The following ZBTB20 variants were observed in gnomAD, a reference collection of about 807,000 sequenced individuals.
The protein encoded by ZBTB20 is zinc finger and BTB domain-containing protein 20.
A neutral mutation model predicts 56.9 loss-of-function variants in ZBTB20; 9 were observed. The observed-to-expected ratio is 0.16, with a 90% CI of 0.10 to 0.28. ZBTB20 has a LOEUF of 0.28. Ranked by LOEUF, ZBTB20 falls within the 10% of genes least tolerant of loss-of-function variation. ZBTB20 has a pLI of 1.00. For synonymous variants in ZBTB20, 417 were observed against 420.7 expected (o/e 0.99, Z 0.11); for missense variants, 655 against 1,003.0 (o/e 0.65, Z 4.69).
At chr3:114,389,994 T>C (rs2085670177) in intron 7 of ZBTB20, among the ~76,000 whole-genome samples, 1 of 152,130 alleles carries the variant, frequency 6.6e-6, no homozygotes, top group Non-Finnish European at 1.5e-5. Flanking sequence ...ACTACATTCT[T>C]ATTAACGATA....
chr3:114,796,837 T>C (rs545326638), intron 5 of ZBTB20, among the ~76,000 whole-genome samples: 5 of 152,028 alleles, frequency 3.3e-5, no homozygotes, highest in African/African-American at 1.2e-4. Flanking sequence ...AATAAGGATG[T>C]TGGAAATATA....
chr3:114,344,928 G>T (rs1341936244), intron 11 of ZBTB20, among the ~76,000 whole-genome samples: 1 of 152,022 alleles, frequency 6.6e-6, no homozygotes, highest in Non-Finnish European at 1.5e-5. Context: ...CCAGTGAACG[G>T]GCTGTTGATA....
intron 7 of ZBTB20, among the ~76,000 whole-genome samples, chr3:114,460,481 GC>G (rs535715402): frequency 1.3e-5 from 2 of 152,184 alleles, no homozygotes; most frequent in Non-Finnish European, 2.9e-5. Flanking sequence ...ATCAGAGTTA[GC>G]AGATGTGATG....
At chr3:114,958,065 T>C (rs774724003) in intron 3 of ZBTB20, among the ~76,000 whole-genome samples, 7 of 152,258 alleles carry the variant, frequency 4.6e-5, no homozygotes, top group Non-Finnish European at 8.8e-5. Flanking sequence ...TGAGTGTCTC[T>C]ACACAAATAT....
chr3:114,348,553 C>A (rs2080379924), intron 11 of ZBTB20, among the ~76,000 whole-genome samples: 1 of 152,202 alleles, frequency 6.6e-6, no homozygotes, highest in South Asian at 2.1e-4. Flanking sequence ...AGTAGTGAGT[C>A]ACTCTGTTTA....
intron 4 of ZBTB20, among the ~76,000 whole-genome samples, chr3:114,842,572 G>C (rs1326597206): frequency 6.6e-6 from 1 of 152,144 alleles, no homozygotes; most frequent in Non-Finnish European, 1.5e-5. Flanking sequence ...TTAAGAAAGA[G>C]GAGTGTAGAA....
At chr3:114,933,873 C>T (rs1264243849) in intron 3 of ZBTB20, among the ~76,000 whole-genome samples, 1 of 152,182 alleles carries the variant, frequency 6.6e-6, no homozygotes, top group Non-Finnish European at 1.5e-5. Context: ...ACCTACCCCT[C>T]CCCCTTCGGT....
chr3:114,811,929 T>TA (rs1459781780), intron 4 of ZBTB20, among the ~76,000 whole-genome samples: 3 of 152,166 alleles, frequency 2.0e-5, no homozygotes, highest in Non-Finnish European at 4.4e-5. Flanking sequence ...CGGTGAGTGT[T>TA]ACAGTTCTTA....
chr3:114,667,511 C>T (rs1400941847), intron 6 of ZBTB20, among the ~76,000 whole-genome samples: 1 of 151,986 alleles, frequency 6.6e-6, no homozygotes, highest in East Asian at 1.9e-4. Context: ...GCAGCCTAAC[C>T]TCCAGCCAAC....
intron 3 of ZBTB20, among the ~76,000 whole-genome samples, chr3:114,942,082 T>C (rs1263204503): frequency 6.9e-6 from 1 of 145,946 alleles, no homozygotes; most frequent in East Asian, 1.9e-4. Flanking sequence ...TAAATTCCTT[T>C]ACCCCTTGTG....
intron 5 of ZBTB20, among the ~76,000 whole-genome samples, chr3:114,709,646 T>C (rs2063929492): frequency 6.6e-6 from 1 of 152,162 alleles, no homozygotes; most frequent in African/African-American, 2.4e-5. Flanking sequence ...GCTAGGGCCT[T>C]TCCATAACCT....
intron 7 of ZBTB20, among the ~76,000 whole-genome samples, chr3:114,466,075 A>T (rs2092539911): frequency 6.6e-6 from 1 of 152,154 alleles, no homozygotes; most frequent in Non-Finnish European, 1.5e-5. Flanking sequence ...CCAGGACTAG[A>T]TACTTAGATC....
At chr3:114,855,346 T>C (rs1480464213) in intron 4 of ZBTB20, among the ~76,000 whole-genome samples, 1 of 152,224 alleles carries the variant, frequency 6.6e-6, no homozygotes, top group African/African-American at 2.4e-5. Context: ...TTGTCAGATA[T>C]ATCCCATGTT....
intron 3 of ZBTB20, among the ~76,000 whole-genome samples, chr3:114,969,303 T>A (rs922934504): frequency 2.0e-5 from 3 of 152,118 alleles, no homozygotes; most frequent in Non-Finnish European, 2.9e-5. Flanking sequence ...ATTTGTGCAA[T>A]TGTGGAGAGA....
intron 11 of ZBTB20, among the ~76,000 whole-genome samples, chr3:114,345,294 T>C (rs889888691): frequency 6.6e-6 from 1 of 152,206 alleles, no homozygotes; most frequent in African/African-American, 2.4e-5. Flanking sequence ...TGTGTGTGTG[T>C]TTCCGCTCTC....
chr3:114,380,464 T>C, intron 9 of ZBTB20, 60 bp from the exon 10 acceptor site: 6 of 1,451,732 alleles, frequency 4.1e-6, no homozygotes, highest in Non-Finnish European at 5.4e-6. Flanking sequence ...AAAGGCATTT[T>C]TAGAATCTGT....
intron 6 of ZBTB20, among the ~76,000 whole-genome samples, chr3:114,651,652 A>C (rs75660391): frequency 0.031 from 4,724 of 152,034 alleles, 248 homozygotes; most frequent in African/African-American, 0.11. Context: ...GCAACAAAAC[A>C]AAAAGTAAAT....
Position 114,676,633 on chromosome 3 carries a change from G to C in ZBTB20, c.-295+16895C>G, listed in dbSNP as rs371595583. ...GTGTATTAACATTCATAACAACTCT[G>C]TCAGGTAATACTTACATTTACCCAT... On this transcript the variant is annotated intron_variant, in intron 6 of 11. Transcript: ENST00000675478. 9.7e-4 allele frequency among the ~76,000 whole-genome samples: 148 copies of C among 152,052 alleles called. 2 individuals are homozygous for C. The South Asian group carries it at 0.021, about 21-fold the overall frequency.
At chr3:114,738,708 T>C (rs2066364290) in intron 5 of ZBTB20, among the ~76,000 whole-genome samples, 1 of 152,168 alleles carries the variant, frequency 6.6e-6, no homozygotes, top group African/African-American at 2.4e-5. Flanking sequence ...GACTCCCTAT[T>C]CCGATAAATC....
Sources: allele counts gnomAD v4.1 joint callset (sites outside exome capture counted in the v4.1 genomes callset), GRCh38; gene constraint gnomAD v4.1.1; transcripts MANE v1.5; gene names NCBI Gene and HGNC (gene_info 2026-07-23, HGNC 2026-07-21).